EHMT1: variants seen among roughly 807,000 people sequenced by gnomAD.
The protein encoded by EHMT1 is euchromatic histone lysine methyltransferase 1, also known as histone-lysine N-methyltransferase EHMT1.
EHMT1 carries 15 observed loss-of-function variants against 147.2 expected under a neutral mutation model. The ratio of observed to expected loss-of-function variants is 0.10; its 90% CI spans 0.07 to 0.16. EHMT1 has a LOEUF of 0.16. Ranked by LOEUF, EHMT1 falls within the 10% of genes least tolerant of loss-of-function variation. EHMT1 has a pLI of 1.00. For synonymous variants in EHMT1, 795 were observed against 709.6 expected (o/e 1.12, Z -1.91); for missense variants, 1,587 against 1,772.4 (o/e 0.90, Z 1.88).
chr9:137,658,419 G>C (rs1450023848), intron 1 of EHMT1, among the ~76,000 whole-genome samples: 1 of 152,080 alleles, frequency 6.6e-6, no homozygotes, highest in African/African-American at 2.4e-5. Context: ...CCAAAATGCT[G>C]GGATTAGAAG....
chr9:137,721,095 GT>G (rs1484031549), intron 3 of EHMT1, among the ~76,000 whole-genome samples: 2 of 151,516 alleles, frequency 1.3e-5, no homozygotes, highest in East Asian at 3.9e-4. Flanking sequence ...AGGCTTCAGC[GT>G]GCGTATCCCT....
chr9:137,668,836 A>G (rs955244557), intron 1 of EHMT1, among the ~76,000 whole-genome samples: 3 of 151,868 alleles, frequency 2.0e-5, no homozygotes, highest in African/African-American at 7.3e-5. Context: ...CGGGAATGGG[A>G]TAACTGGTTC....
Position 137,717,047 on chromosome 9 carries a change from C to G in EHMT1, c.507C>G (p.Pro169=). Residue 169 remains proline, a synonymous_variant, in exon 3 of 27, where the codon CCC becomes CCG. Transcript: ENST00000460843. ...AGKGRTPSAF[P]QTPAAPPATL... ...AAGGCAGGACTCCAAGCGCTTTTCC[C>G]CAGACGCCAGCCGCCCCACCAGCCA... The G allele has an allele frequency of 1.2e-6, 2 of 1,607,026 alleles. No individual in the cohort carries two copies. Among genetic ancestry groups the G allele is most frequent in the Non-Finnish European group, 1.7e-6 (2 of 1,175,896 alleles).
intron 9 of EHMT1, among the ~76,000 whole-genome samples, chr9:137,761,572 G>C (rs1194662171): frequency 6.6e-6 from 1 of 152,062 alleles, no homozygotes; most frequent in East Asian, 1.9e-4. Context: ...TCCTGCCTCA[G>C]CCTCCTGAGT....
rs749619513 is a variant in EHMT1, at chr9:137,834,755, G to T, written c.3717-18G>T. ...CGGTGGGATTCGACTTGGAGCCTTGGTTCTGTTCCCTCCCCAGGTTTGACT... is the reference window on the plus strand; with the variant it reads ...CGGTGGGATTCGACTTGGAGCCTTGTTTCTGTTCCCTCCCCAGGTTTGACT... On this transcript the variant is annotated intron_variant, in intron 26 of 26. Transcript: ENST00000460843. 1.9e-6 allele frequency: 3 copies of T among 1,613,352 alleles called. No individual in the cohort carries two copies. In the Admixed American group the frequency reaches 5.0e-5, roughly 27 times the overall value.
chr9:137,729,237 G>C (rs1488224998), intron 4 of EHMT1, among the ~76,000 whole-genome samples: 1 of 152,152 alleles, frequency 6.6e-6, no homozygotes, highest in Non-Finnish European at 1.5e-5. Flanking sequence ...TGCTGGCAAG[G>C]CTTCACTTGG....
chr9:137,765,633 C>T lies in EHMT1; in HGVS notation c.1647+2813C>T, dbSNP rs923295445. ...GCCAAGGTGGAGAAGCGGAGCCTGACCCCCCAGCCCCACTCCCCTCACTGC... is the reference window on the plus strand; with the variant it reads ...GCCAAGGTGGAGAAGCGGAGCCTGATCCCCCAGCCCCACTCCCCTCACTGC... On this transcript the variant is annotated intron_variant, in intron 10 of 26. Coordinates refer to ENST00000460843, the MANE Select transcript of EHMT1 (RefSeq NM_024757.5). 1.4e-3 allele frequency among the ~76,000 whole-genome samples: 213 copies of T among 148,000 alleles called. 3 individuals carry two copies. Among genetic ancestry groups the T allele is most frequent in the Admixed American group, 2.8e-3 (42 of 14,738 alleles).
At chr9:137,742,455 C>G (rs1387901352) in intron 4 of EHMT1, among the ~76,000 whole-genome samples, 1 of 152,114 alleles carries the variant, frequency 6.6e-6, no homozygotes, top group Admixed American at 6.6e-5. Context: ...CTGTGCCCAG[C>G]TTTAAACAGA....
At chr9:137,777,790 T>G in intron 12 of EHMT1, 92 bp from the exon 13 acceptor site, 1 of 1,555,026 alleles carries the variant, frequency 6.4e-7, no homozygotes, top group Non-Finnish European at 8.8e-7. Flanking sequence ...TCCGCAGCTC[T>G]CACTTAGAAA....
intron 1 of EHMT1, among the ~76,000 whole-genome samples, chr9:137,682,025 A>C (rs1045431985): frequency 2.7e-4 from 41 of 151,796 alleles, no homozygotes; most frequent in African/African-American, 9.9e-4. Flanking sequence ...ATCTCGGCTC[A>C]CTGCAAGCTC....
At chr9:137,789,820 C>T (rs1379502818) in intron 15 of EHMT1, among the ~76,000 whole-genome samples, 1 of 152,248 alleles carries the variant, frequency 6.6e-6, no homozygotes, top group Non-Finnish European at 1.5e-5. Context: ...ACCTCTGCCT[C>T]CCAGGTTCAA....
At chr9:137,820,618 C>T (rs1955336371) in intron 25 of EHMT1, among the ~76,000 whole-genome samples, 1 of 152,180 alleles carries the variant, frequency 6.6e-6, no homozygotes. Flanking sequence ...CACGTGGCTT[C>T]CATGTGTAGG....
chr9:137,757,620 C>CT (rs1379349905), intron 8 of EHMT1, among the ~76,000 whole-genome samples: 2 of 152,212 alleles, frequency 1.3e-5, no homozygotes, highest in East Asian at 3.9e-4. Context: ...ATGTTGGTGC[C>CT]TTTGTTTTTG....
rs573039122 is a variant in EHMT1, at chr9:137,621,616, A to G, written c.21+2567A>G. On this transcript the variant is annotated intron_variant, in intron 1 of 26. Transcript: ENST00000460843. ...CAACGGAGTGAGAGACTGTCTCAGG[A>G]AAAAAAAAAGAAAAAAAACTACTGA... Among the ~76,000 whole-genome samples the G allele has an allele frequency of 5.1e-4, 77 of 149,570 alleles. 1 individual carries two copies. The highest frequency in any genetic ancestry group is 1.7e-3 in the African/African-American group (70 of 40,820).
chr9:137,784,509 G>A (rs982756550), intron 15 of EHMT1: 9 of 837,688 alleles, frequency 1.1e-5, no homozygotes, highest in African/African-American at 5.4e-5. Context: ...CCACTTTTTG[G>A]TCGTTCTTGC....
rs1945339430 is a variant in EHMT1 at position 137,716,666 on chromosome 9, G to C, written c.126G>C (p.Gln42His). The change falls in exon 3 of 27, where the codon CAG becomes CAC. Residue 42 changes from glutamine to histidine, a missense_variant. By Grantham distance (24) the Gln-to-His change is conservative (BLOSUM62 0). Transcript: ENST00000460843. ...CCGATGAAGGCTCAGCAGAGAAACA[G>C]GCAGGAGAGGCCCACATGGCTGCGG... ...MAADEGSAEK[Q>H]AGEAHMAADG... is the part of the protein sequence containing the mutation. 6.3e-7 allele frequency: 1 copy of C among 1,597,254 alleles called. No homozygotes were observed. The highest frequency in any genetic ancestry group is 8.6e-7 in the Non-Finnish European group (1 of 1,169,148).
rs1947242723 is a variant in EHMT1 at position 137,732,946 on chromosome 9, C to T, written c.823+4417C>T. Among the ~76,000 whole-genome samples, 1 of 152,162 alleles carries T rather than the reference C, an allele frequency of 6.6e-6. No individual in the cohort carries two copies. Among genetic ancestry groups the T allele is most frequent in the Non-Finnish European group, 1.5e-5 (1 of 68,038 alleles). The stretch of plus-strand genomic sequence containing the variant: ...GGTTCTGCTCTTTCCCTCCTGCTAC[C>T]CCCTTAAGTTTACCACAGGCAGGAA... On this transcript the variant is annotated intron_variant, in intron 4 of 26. Transcript: ENST00000460843. This position sits in a 1 kb window ranked among gnomAD's most constrained non-coding sequence, Gnocchi z 4.6.
intron 6 of EHMT1, chr9:137,746,084 T>G (rs1276855589): frequency 6.6e-6 from 1 of 152,146 alleles, no homozygotes; most frequent in African/African-American, 2.4e-5. Flanking sequence ...TGAATGGAGG[T>G]TTTTTCCCCA....
intron 18 of EHMT1, among the ~76,000 whole-genome samples, chr9:137,804,073 G>A (rs1953729310): frequency 6.6e-6 from 1 of 152,172 alleles, no homozygotes; most frequent in African/African-American, 2.4e-5. Context: ...ATGGTGGCAG[G>A]AGAGATTGAG....
Sources: allele counts gnomAD v4.1 joint callset (sites outside exome capture counted in the v4.1 genomes callset), GRCh38; gene constraint gnomAD v4.1.1; non-coding constraint Gnocchi (gnomAD v3.1); transcripts MANE v1.5; gene names NCBI Gene and HGNC (gene_info 2026-07-23, HGNC 2026-07-21).